Variants in TMEM11 observed in about 807,000 individuals in gnomAD.
TMEM11 encodes the protein transmembrane protein 11, mitochondrial.
TMEM11 carries 1 observed loss-of-function variant against 17.0 expected under a neutral mutation model. That is an observed-to-expected ratio of 0.06 (90% CI 0.02 to 0.28). The LOEUF is 0.28. Among genes scored for constraint, TMEM11 ranks in the 10% least tolerant of loss-of-function variants. The pLI is 1.00. For missense variants in TMEM11, 172 were observed against 252.9 expected (o/e 0.68, Z 2.17); for synonymous variants, 122 against 118.1 (o/e 1.03, Z -0.21).
intron 1 of TMEM11, among the ~76,000 whole-genome samples, chr17:21,202,613 A>AC (rs1331087365): frequency 6.8e-6 from 1 of 148,134 alleles, no homozygotes; most frequent in African/African-American, 2.5e-5. Context: ...ATCCACCCAG[A>AC]CCCCTCTGCA....
intron 1 of TMEM11, chr17:21,213,809 T>G (rs1257481572): frequency 2.2e-5 from 10 of 461,788 alleles, no homozygotes; most frequent in Middle Eastern, 5.7e-4. Context: ...TGGGCGCCAG[T>G]TCCTTTCAGC....
At chr17:21,201,065 A>G (rs1268704895) in intron 1 of TMEM11, among the ~76,000 whole-genome samples, 1 of 152,238 alleles carries the variant, frequency 6.6e-6, no homozygotes, top group East Asian at 1.9e-4. Flanking sequence ...GACTCCTCCC[A>G]GCTCAAAGCT....
At chr17:21,213,705 G>A in intron 1 of TMEM11, 2 of 227,458 alleles carry the variant, frequency 8.8e-6, no homozygotes, top group South Asian at 6.7e-5. Context: ...GTCTGGGGCC[G>A]CGGCCGAGAT....
chr17:21,205,631 C>A (rs1014409377), intron 1 of TMEM11, among the ~76,000 whole-genome samples: 1 of 152,010 alleles, frequency 6.6e-6, no homozygotes, highest in African/African-American at 2.4e-5. Context: ...ATGTACCAAC[C>A]ATCACCACCA....
In TMEM11 at chr17:21,207,944, G is replaced by C. The variant is rs545424041; in HGVS notation, c.62+6147C>G. 2.0e-5 allele frequency among the ~76,000 whole-genome samples: 3 copies of C among 151,836 alleles called. No individual in the cohort carries two copies. The South Asian group carries it at 6.2e-4, about 32-fold the overall frequency. ...TTTTCTTTGGATGGTGGCCTAATAG[G>C]TGACTTGTCAATTTCTTCATGCTTT... On this transcript the variant is annotated intron_variant, in intron 1 of 1. Transcript: ENST00000317635.
chr17:21,210,353 A>G (rs1020333844), intron 1 of TMEM11, among the ~76,000 whole-genome samples: 9 of 152,194 alleles, frequency 5.9e-5, no homozygotes, highest in Non-Finnish European at 8.8e-5. Flanking sequence ...TTTGTTAAAG[A>G]GCTGAGCAGA....
At chr17:21,213,977 A>C in intron 1 of TMEM11, 114 bp downstream of exon 1, 13 of 996,856 alleles carry the variant, frequency 1.3e-5, no homozygotes, top group African/African-American at 1.7e-5. Context: ...CGGCGAGGGT[A>C]GGGGGAGCGC....
Position 21,198,229 on chromosome 17 carries a change from C to T in TMEM11, c.*95G>A. Reference sequence around the variant, plus strand: ...TAACAAATACTAAGCCAAACACCTGCCCAGGCTCTGCTGCCTCACAGAGTG... The same window carrying T: ...TAACAAATACTAAGCCAAACACCTGTCCAGGCTCTGCTGCCTCACAGAGTG... On this transcript the variant is annotated 3_prime_UTR_variant, in exon 2 of 2. Coordinates refer to ENST00000317635, the MANE Select transcript of TMEM11 (RefSeq NM_003876.3). This position sits in a 1 kb window ranked among gnomAD's most constrained non-coding sequence, Gnocchi z 6.5. The T allele has an allele frequency of 6.9e-7, 1 of 1,459,466 alleles. No homozygotes were observed. Among genetic ancestry groups the T allele is most frequent in the Non-Finnish European group, 9.3e-7 (1 of 1,078,720 alleles). 90.4% of individuals were successfully genotyped at this position (1,459,466 alleles called of 1,614,324 possible). A position where few individuals can be genotyped will look rare whatever the true frequency, so the allele number is the denominator to read the frequency against.
intron 1 of TMEM11, among the ~76,000 whole-genome samples, chr17:21,208,880 A>G (rs1974972963): frequency 6.6e-6 from 1 of 152,238 alleles, no homozygotes; most frequent in Non-Finnish European, 1.5e-5. Context: ...ATGGTTATTA[A>G]GAGAACTGGT....
chr17:21,202,748 G>A (rs1240858703), intron 1 of TMEM11, among the ~76,000 whole-genome samples: 3 of 152,174 alleles, frequency 2.0e-5, no homozygotes, highest in African/African-American at 4.8e-5. Flanking sequence ...GGTGTGGCCC[G>A]CCCCCCAGCA....
chr17:21,198,184 G>A lies in TMEM11; in HGVS notation c.*140C>T. On this transcript the variant is annotated 3_prime_UTR_variant, in exon 2 of 2. Transcript: ENST00000317635. The surrounding 1 kb of genome is among the most constrained non-coding windows in gnomAD (Gnocchi z 6.5). ...GCTGAAAAACCCTGGGTACACCCGTGATCTGTTATTTTTTAAAAATAACAA... is the reference window on the plus strand; with the variant it reads ...GCTGAAAAACCCTGGGTACACCCGTAATCTGTTATTTTTTAAAAATAACAA... The A allele has an allele frequency of 1.8e-6, 2 of 1,122,934 alleles. No homozygotes were observed. The highest frequency in any genetic ancestry group is 1.3e-6 in the Non-Finnish European group (1 of 789,886). 69.6% of individuals were successfully genotyped at this position (1,122,934 alleles called of 1,614,324 possible).
chr17:21,211,810 G>A (rs769006534), intron 1 of TMEM11, among the ~76,000 whole-genome samples: 1 of 152,228 alleles, frequency 6.6e-6, no homozygotes, highest in Non-Finnish European at 1.5e-5. Context: ...GAGCAGCAAC[G>A]GGAGAGAGCA....
At chr17:21,202,793 G>A (rs965496345) in intron 1 of TMEM11, among the ~76,000 whole-genome samples, 24 of 152,182 alleles carry the variant, frequency 1.6e-4, no homozygotes, top group Non-Finnish European at 7.3e-5. Context: ...CTCTGCCCTC[G>A]GCTGTGGGCA....
At position 21,201,142 on chromosome 17, in the gene TMEM11, C is replaced by T. The variant is rs145302425; in HGVS notation, c.63-2302G>A. Among the ~76,000 whole-genome samples, 17 of 152,324 alleles carry T rather than the reference C, an allele frequency of 1.1e-4. No homozygotes were observed. The East Asian group carries it at 1.2e-3, about 10-fold the overall frequency. On this transcript the variant is annotated intron_variant, in intron 1 of 1. Transcript: ENST00000317635. ...TCTGGTTGGATAAACAACTAGTTAA[C>T]GATCTCATGTGGCCACATTAAAGAT...
rs575278475 is a variant in TMEM11 at position 21,203,567 on chromosome 17, C to T, written c.63-4727G>A. On this transcript the variant is annotated intron_variant, in intron 1 of 1. Coordinates refer to ENST00000317635, the MANE Select transcript of TMEM11 (RefSeq NM_003876.3). ...CCGTCTTTACCAAAAATTAGCCAGGCGCGGTGCTGCACACCTGTAATTACA... is the reference window on the plus strand; with the variant it reads ...CCGTCTTTACCAAAAATTAGCCAGGTGCGGTGCTGCACACCTGTAATTACA... 2.2e-4 allele frequency among the ~76,000 whole-genome samples: 34 copies of T among 152,120 alleles called. No homozygotes were observed. The South Asian group carries it at 4.6e-3, about 20-fold the overall frequency.
In TMEM11 at chr17:21,210,755, C is replaced by G. The variant is rs184990752; in HGVS notation, c.62+3336G>C. On this transcript the variant is annotated intron_variant, in intron 1 of 1. Coordinates refer to ENST00000317635, the MANE Select transcript of TMEM11 (RefSeq NM_003876.3). ...CCTATAAAACGCTGGAGCAGATGGC[C>G]GCGCAAGCCAGGGGAGGGGCAGGCC... is the stretch of plus-strand genomic sequence containing the variant. Among the ~76,000 whole-genome samples the G allele has an allele frequency of 2.0e-4, 31 of 152,322 alleles. No individual in the cohort carries two copies. The East Asian group carries it at 5.8e-3, about 28-fold the overall frequency.
chr17:21,213,971 G>T, intron 1 of TMEM11, 120 bp downstream of exon 1: 1 of 983,856 alleles, frequency 1.0e-6, no homozygotes, highest in Non-Finnish European at 1.5e-6. Flanking sequence ...TATGCCCGGC[G>T]AGGGTAGGGG....
intron 1 of TMEM11, among the ~76,000 whole-genome samples, chr17:21,204,916 G>C (rs1200890414): frequency 2.0e-5 from 3 of 152,136 alleles, no homozygotes; most frequent in Non-Finnish European, 4.4e-5. Context: ...GACTGCTGCA[G>C]ACACTGAATG....
rs1974849025 is a variant in TMEM11, at chr17:21,198,859, G to A, written c.63-19C>T. The stretch of plus-strand genomic sequence containing the variant: ...GCTCACCCTTTTGATGGAGGGGGCA[G>A]GAAAGGGAGAGAGAGAGAGAGACAG... On this transcript the variant is annotated intron_variant, in intron 1 of 1. Transcript: ENST00000317635. This position sits in a 1 kb window ranked among gnomAD's most constrained non-coding sequence, Gnocchi z 6.5. 1 of 1,597,548 alleles carries A rather than the reference G, an allele frequency of 6.3e-7. No homozygotes were observed. The highest frequency in any genetic ancestry group is 1.7e-5 in the Admixed American group (1 of 59,058).
Sources: gnomAD v4.1 joint callset for allele counts (sites outside exome capture counted in the v4.1 genomes callset) on GRCh38, gnomAD v4.1.1 for gene constraint, Gnocchi (gnomAD v3.1) non-coding constraint, MANE v1.5 for transcripts, NCBI Gene and HGNC (gene_info 2026-07-23, HGNC 2026-07-21) for gene names.